HECW2: variants seen among roughly 807,000 people sequenced by gnomAD.
HECW2 encodes the protein HECT, C2 and WW domain containing E3 ubiquitin protein ligase 2, also known as E3 ubiquitin-protein ligase HECW2.
Under a neutral mutation model 175.2 loss-of-function variants are expected in HECW2, and 61 were observed. The ratio of observed to expected loss-of-function variants is 0.35; its 90% CI spans 0.28 to 0.43. HECW2 has a LOEUF of 0.43. HECW2 is among the 20% of genes least tolerant of loss of function. HECW2 has a pLI of 1.00. For missense variants in HECW2, 1,524 were observed against 2,000.5 expected, an observed-to-expected ratio of 0.76 and a Z score of 4.54; for synonymous variants, 671 against 731.0, an observed-to-expected ratio of 0.92 and a Z score of 1.32.
intron 1 of HECW2, among the ~76,000 whole-genome samples, chr2:196,482,898 T>C (rs769189841): frequency 4.6e-5 from 7 of 152,200 alleles, no homozygotes; most frequent in Non-Finnish European, 1.0e-4. Flanking sequence ...TCCACTTCTC[T>C]GACTTTTTGT....
chr2:196,342,020 T>C (rs1025311406), intron 3 of HECW2, among the ~76,000 whole-genome samples: 1 of 152,218 alleles, frequency 6.6e-6, no homozygotes, highest in African/African-American at 2.4e-5. Context: ...CATTCTCTTT[T>C]ATATTAAATC....
chr2:196,204,213 G>A (rs537073980), intron 28 of HECW2, among the ~76,000 whole-genome samples: 5 of 152,030 alleles, frequency 3.3e-5, no homozygotes, highest in Admixed American at 2.6e-4. Context: ...TTTTTTGGGG[G>A]ATATACACAG....
intron 1 of HECW2, among the ~76,000 whole-genome samples, chr2:196,586,226 T>C (rs979317262): frequency 2.6e-5 from 4 of 152,198 alleles, no homozygotes; most frequent in Non-Finnish European, 4.4e-5. Flanking sequence ...AATTTCATAG[T>C]CTAAGATTGT....
At chr2:196,437,263 A>C (rs1297122065) in intron 1 of HECW2, among the ~76,000 whole-genome samples, 3 of 152,094 alleles carry the variant, frequency 2.0e-5, no homozygotes, top group Non-Finnish European at 4.4e-5. Context: ...AGAAGAAAAA[A>C]ACAAATGTAG....
intron 13 of HECW2, among the ~76,000 whole-genome samples, chr2:196,306,023 A>G (rs1172668800): frequency 6.6e-6 from 1 of 152,078 alleles, no homozygotes; most frequent in Non-Finnish European, 1.5e-5. Flanking sequence ...AAACCTAATC[A>G]CCAATATAAT....
At chr2:196,345,073 T>A (rs1692903784) in intron 2 of HECW2, among the ~76,000 whole-genome samples, 1 of 152,194 alleles carries the variant, frequency 6.6e-6, no homozygotes, top group Non-Finnish European at 1.5e-5. Context: ...GGTTCTTTAC[T>A]GTGAAAGGCC....
At chr2:196,330,400 T>TG (rs1692315265) in intron 4 of HECW2, among the ~76,000 whole-genome samples, 1 of 152,190 alleles carries the variant, frequency 6.6e-6, no homozygotes, top group African/African-American at 2.4e-5. Context: ...TCAACAGAAT[T>TG]GAAGGCAGAA....
At chr2:196,479,572 A>G (rs1194234772) in intron 1 of HECW2, among the ~76,000 whole-genome samples, 1 of 152,178 alleles carries the variant, frequency 6.6e-6, no homozygotes, top group Non-Finnish European at 1.5e-5. Flanking sequence ...TCACTGGACC[A>G]CAGCTATGCA....
Position 196,395,703 on chromosome 2 carries a change from G to T in HECW2, c.292+37429C>A, listed in dbSNP as rs200416945. ...ACTGTGCACCCATTAGGATGACTAT[G>T]TTTTTTTTTTTTAAAAAAAGAAAAT... On this transcript the variant is annotated intron_variant, in intron 2 of 28. Transcript: ENST00000644978. Among the ~76,000 whole-genome samples, 40 of 138,702 alleles carry T rather than the reference G, an allele frequency of 2.9e-4. No homozygotes were observed. In the South Asian group the frequency reaches 3.4e-3, roughly 12 times the overall value. 91.0% of individuals were successfully genotyped at this position (138,702 alleles called of 152,430 possible).
chr2:196,592,886 G>A (rs1336791406), intron 1 of HECW2: 1 of 150,216 alleles, frequency 6.7e-6, no homozygotes, highest in African/African-American at 2.4e-5. Flanking sequence ...CGGTCCGTGC[G>A]CGCCGAGGAG....
At chr2:196,382,765 C>T (rs1694243354) in intron 2 of HECW2, among the ~76,000 whole-genome samples, 1 of 137,532 alleles carries the variant, frequency 7.3e-6, no homozygotes, top group Non-Finnish European at 1.5e-5. Flanking sequence ...ATGGCACTTG[C>T]TTTACATGAA....
At chr2:196,202,676 C>T (rs1255181349) in intron 28 of HECW2, among the ~76,000 whole-genome samples, 2 of 152,068 alleles carry the variant, frequency 1.3e-5, no homozygotes, top group Admixed American at 6.6e-5. Context: ...ATAGTAATGA[C>T]CCATGAGAAT....
chr2:196,525,314 G>T (rs1395767896), intron 1 of HECW2, among the ~76,000 whole-genome samples: 3 of 98,068 alleles, frequency 3.1e-5, no homozygotes, highest in Admixed American at 1.1e-4. Context: ...GCCTTTTTTT[G>T]TTTTCCATTT....
chr2:196,315,175 TG>T, intron 10 of HECW2, among the ~76,000 whole-genome samples: 1 of 149,750 alleles, frequency 6.7e-6, no homozygotes. Context: ...TGTGTGTGTG[TG>T]TGTGTGTGTG....
At chr2:196,302,002 T>C (rs926279271) in intron 13 of HECW2, among the ~76,000 whole-genome samples, 1 of 152,154 alleles carries the variant, frequency 6.6e-6, no homozygotes, top group Non-Finnish European at 1.5e-5. Flanking sequence ...TTTTGTAGGG[T>C]TTTTATAGCT....
At chr2:196,454,855 GA>G (rs1696456753) in intron 1 of HECW2, among the ~76,000 whole-genome samples, 1 of 152,132 alleles carries the variant, frequency 6.6e-6, no homozygotes, top group Non-Finnish European at 1.5e-5. Context: ...GTACCTACCT[GA>G]AAGGGTTATT....
At chr2:196,278,133 A>ATATATATATATCTATATATATATATATAT (rs1553489735) in intron 15 of HECW2, among the ~76,000 whole-genome samples, 1 of 66,552 alleles carries the variant, frequency 1.5e-5, no homozygotes, top group Admixed American at 2.2e-4. Context: ...ATAATTAAAA[A>ATATATATATATCTATATATATATATATAT]ATATATATAT....
chr2:196,457,741 TC>T, intron 1 of HECW2, among the ~76,000 whole-genome samples: 1 of 152,314 alleles, frequency 6.6e-6, no homozygotes, highest in South Asian at 2.1e-4. Context: ...AGTCTGTGAT[TC>T]ATTTAAAAAT....
At chr2:196,484,512 C>T (rs1040650710) in intron 1 of HECW2, among the ~76,000 whole-genome samples, 3 of 152,152 alleles carry the variant, frequency 2.0e-5, no homozygotes, top group Admixed American at 6.5e-5. Context: ...ATTCACTCTG[C>T]GGTCCCTCCT....
Sources: allele counts gnomAD v4.1 joint callset (sites outside exome capture counted in the v4.1 genomes callset), GRCh38; gene constraint gnomAD v4.1.1; transcripts MANE v1.5; gene names NCBI Gene and HGNC (gene_info 2026-07-23, HGNC 2026-07-21).